The following SLC25A24 variants were observed in gnomAD, a reference collection of about 807,000 sequenced individuals.
The protein encoded by SLC25A24 is mitochondrial adenyl nucleotide antiporter SLC25A24.
Under a neutral mutation model 60.7 loss-of-function variants are expected in SLC25A24, and 49 were observed. That is an observed-to-expected ratio of 0.81 (90% confidence interval 0.64 to 1.02). SLC25A24 has a LOEUF of 1.02. Ranked by LOEUF, SLC25A24 falls within the 50% of genes least tolerant of loss-of-function variation. SLC25A24 has a pLI of 0.00. For synonymous variants in SLC25A24, 202 were observed against 200.6 expected, an observed-to-expected ratio of 1.01 and a Z score of -0.06; for missense variants, 564 against 586.3, an observed-to-expected ratio of 0.96 and a Z score of 0.39.
chr1:108,192,336 G>C (rs1648368949), intron 1 of SLC25A24, among the ~76,000 whole-genome samples: 1 of 139,422 alleles, frequency 7.2e-6, no homozygotes, highest in Non-Finnish European at 1.6e-5. Context: ...TGTTAGCTGT[G>C]TTGTTATTCT....
At chr1:108,167,887 T>C (rs1185544206) in intron 3 of SLC25A24, among the ~76,000 whole-genome samples, 1 of 152,244 alleles carries the variant, frequency 6.6e-6, no homozygotes, top group South Asian at 2.1e-4. Flanking sequence ...TTATCATTAA[T>C]ATTTGGCTTG....
intron 3 of SLC25A24, among the ~76,000 whole-genome samples, chr1:108,176,245 A>C (rs923601048): frequency 6.6e-6 from 1 of 152,170 alleles, no homozygotes; most frequent in African/African-American, 2.4e-5. Flanking sequence ...TTAAAATGCA[A>C]TATGGGAGCA....
chr1:108,200,139 G>T lies in SLC25A24; in HGVS notation c.-1C>A, dbSNP rs1169289842. On this transcript the variant is annotated 5_prime_UTR_variant, in exon 1 of 10. Coordinates refer to ENST00000565488, the MANE Select transcript of SLC25A24 (RefSeq NM_013386.5). ...CGAAGTCCCGCAGCCAGCGCAACATGGTCCCAGAGGCGCAGGCGGCCTGGC... is the reference window on the plus strand; with the variant it reads ...CGAAGTCCCGCAGCCAGCGCAACATTGTCCCAGAGGCGCAGGCGGCCTGGC... 1.3e-6 allele frequency: 2 copies of T among 1,547,132 alleles called. No homozygotes were observed. Among genetic ancestry groups the T allele is most frequent in the South Asian group, 2.4e-5 (2 of 84,312 alleles).
chr1:108,167,325 T>C (rs1413425815), intron 3 of SLC25A24, among the ~76,000 whole-genome samples: 1 of 151,636 alleles, frequency 6.6e-6, no homozygotes, highest in African/African-American at 2.4e-5. Flanking sequence ...CCACCCAGTT[T>C]GAGCTTCCCG....
chr1:108,137,621 C>T (rs894983566), intron 9 of SLC25A24, among the ~76,000 whole-genome samples: 7 of 152,162 alleles, frequency 4.6e-5, no homozygotes, highest in African/African-American at 1.7e-4. Flanking sequence ...ACTTTTAGGT[C>T]AGAAATGACA....
In SLC25A24 at chr1:108,134,080, A is replaced by G. The variant is rs1341891463; in HGVS notation, c.*2573T>C. 1 of 152,198 alleles carries G rather than the reference A, an allele frequency of 6.6e-6. No homozygotes were observed. The highest frequency in any genetic ancestry group is 1.5e-5 in the Non-Finnish European group (1 of 68,030). The allele number at this position is 152,198 out of a possible 1,614,324, so 9.4% of individuals were successfully genotyped here. A position where few individuals can be genotyped will look rare whatever the true frequency, so the allele number is the denominator to read the frequency against. On this transcript the variant is annotated 3_prime_UTR_variant, in exon 10 of 10. Transcript: ENST00000565488. The stretch of plus-strand genomic sequence containing the variant: ...AATTTATTCTCTTGACTGGGAGACA[A>G]GACTAATAGGTGAGAAACAAATATG...
In SLC25A24 at chr1:108,200,192, G is replaced by GCGGGGCGAGACCGGGAC. The variant is rs1648621389; in HGVS notation, c.-71_-55dup. ...AGGAAGTCACGGGAGATCGAGGGCT[G>GCGGGGCGAGACCGGGAC]CGGGGCGAGACCGGGACCAGCGCGA... On this transcript the variant is annotated 5_prime_UTR_variant, in exon 1 of 10. Transcript: ENST00000565488. 1.4e-6 allele frequency: 2 copies of GCGGGGCGAGACCGGGAC among 1,479,444 alleles called. No homozygotes were observed. Among genetic ancestry groups the GCGGGGCGAGACCGGGAC allele is most frequent in the Non-Finnish European group, 1.8e-6 (2 of 1,114,348 alleles). 91.6% of individuals were successfully genotyped at this position (1,479,444 alleles called of 1,614,324 possible).
chr1:108,150,437 G>A (rs1679725768), intron 6 of SLC25A24, among the ~76,000 whole-genome samples: 1 of 152,146 alleles, frequency 6.6e-6, no homozygotes. Flanking sequence ...AGACTTAACT[G>A]AGCCCTCAAA....
At chr1:108,161,969 C>T (rs1431146228) in intron 3 of SLC25A24, among the ~76,000 whole-genome samples, 1 of 141,480 alleles carries the variant, frequency 7.1e-6, no homozygotes, top group African/African-American at 2.6e-5. Flanking sequence ...ACAACAGTCC[C>T]CAGAGTGTGA....
chr1:108,199,928 C>T lies in SLC25A24; in HGVS notation c.183+28G>A, dbSNP rs553284654. 4 of 1,576,052 alleles carry T rather than the reference C, an allele frequency of 2.5e-6. No individual in the cohort carries two copies. In the Admixed American group the frequency reaches 5.3e-5, roughly 21 times the overall value. On this transcript the variant is annotated intron_variant, in intron 1 of 9. Coordinates refer to ENST00000565488, the MANE Select transcript of SLC25A24 (RefSeq NM_013386.5). ...CCCAGCGCCCGCAGCCCTCCCTACG[C>T]TCAGGCGGCGCCCCGGCGGCGACCC...
chr1:108,160,291 G>C (rs1352113516), intron 4 of SLC25A24, among the ~76,000 whole-genome samples: 1 of 151,884 alleles, frequency 6.6e-6, no homozygotes, highest in Admixed American at 6.6e-5. Context: ...CGGCCGGGCA[G>C]AGACGCTCCT....
chr1:108,181,891 T>C, intron 3 of SLC25A24, 50 bp downstream of exon 3: 1 of 1,290,882 alleles, frequency 7.7e-7, no homozygotes. Context: ...AGAGTTCTAA[T>C]GCAGAATATT....
chr1:108,177,526 C>T (rs1163572127), intron 3 of SLC25A24, among the ~76,000 whole-genome samples: 1 of 152,094 alleles, frequency 6.6e-6, no homozygotes, highest in Admixed American at 6.5e-5. Flanking sequence ...AGACTCATTT[C>T]ATCTGTAAAA....
At chr1:108,152,520 C>A (rs1344930855) in intron 6 of SLC25A24, among the ~76,000 whole-genome samples, 1 of 152,150 alleles carries the variant, frequency 6.6e-6, no homozygotes, top group East Asian at 1.9e-4. Context: ...CCACGCCCAA[C>A]TAATTTTTAT....
At chr1:108,191,627 C>A (rs1336124587) in intron 1 of SLC25A24, among the ~76,000 whole-genome samples, 6 of 139,540 alleles carry the variant, frequency 4.3e-5, no homozygotes, top group Non-Finnish European at 4.7e-5. Flanking sequence ...TGACCCATGA[C>A]TGAATGGATG....
intron 4 of SLC25A24, among the ~76,000 whole-genome samples, chr1:108,158,229 G>T (rs1378718284): frequency 6.6e-6 from 1 of 152,048 alleles, no homozygotes. Flanking sequence ...TAATGGAGAG[G>T]TATTGTTTCA....
intron 8 of SLC25A24, among the ~76,000 whole-genome samples, chr1:108,142,187 C>G (rs898272710): frequency 6.6e-6 from 1 of 152,124 alleles, no homozygotes; most frequent in Non-Finnish European, 1.5e-5. Flanking sequence ...AATGTAAGTG[C>G]AGCCACTATG....
Position 108,134,111 on chromosome 1 carries a change from A to T in SLC25A24, c.*2542T>A, listed in dbSNP as rs972753942. 1 of 152,226 alleles carries T rather than the reference A, an allele frequency of 6.6e-6. No homozygotes were observed. The highest frequency in any genetic ancestry group is 1.5e-5 in the Non-Finnish European group (1 of 68,058). 9.4% of individuals were successfully genotyped at this position (152,226 alleles called of 1,614,324 possible). On this transcript the variant is annotated 3_prime_UTR_variant, in exon 10 of 10. Coordinates refer to ENST00000565488, the MANE Select transcript of SLC25A24 (RefSeq NM_013386.5). ...ATAGGTGAGAAACAAATATGGCAGCATTTTTCTAACAAAGATTCCCTGAGA... is the reference window on the plus strand; with the variant it reads ...ATAGGTGAGAAACAAATATGGCAGCTTTTTTCTAACAAAGATTCCCTGAGA...
rs17513812 is a variant in SLC25A24, at chr1:108,136,910, C to T, written c.1250-73G>A. 276,035 of 1,334,566 alleles carry T rather than the reference C, an allele frequency of 0.21. 30,265 individuals are homozygous for T. Among genetic ancestry groups the T allele is most frequent in the Admixed American group, 0.24 (11,834 of 49,954 alleles). The allele number at this position is 1,334,566 out of a possible 1,614,324, so 82.7% of individuals were successfully genotyped here. Reference sequence around the variant, plus strand: ...TATTATGACAACAAACAATTATGACCCAGAATGATATTCTAAAATACAGTA... The same window carrying T: ...TATTATGACAACAAACAATTATGACTCAGAATGATATTCTAAAATACAGTA... On this transcript the variant is annotated intron_variant, in intron 9 of 9. Transcript: ENST00000565488.
Sources: gnomAD v4.1 joint callset for allele counts (sites outside exome capture counted in the v4.1 genomes callset) on GRCh38, gnomAD v4.1.1 for gene constraint, MANE v1.5 for transcripts, NCBI Gene and HGNC (gene_info 2026-07-23, HGNC 2026-07-21) for gene names.